Variants in CRYBG1 observed in about 807,000 individuals in gnomAD.
CRYBG1 encodes the protein beta/gamma crystallin domain-containing protein 1.
Under a neutral mutation model 189.2 loss-of-function variants are expected in CRYBG1, and 139 were observed. The observed-to-expected ratio is 0.73, with a 90% confidence interval of 0.64 to 0.85. CRYBG1 has a LOEUF of 0.85. CRYBG1 is among the 40% of genes least tolerant of loss of function. The pLI is 0.00. For synonymous variants in CRYBG1, 1,023 were observed against 1,017.1 expected, an observed-to-expected ratio of 1.01 and a Z score of -0.11; for missense variants, 2,611 against 2,675.8, an observed-to-expected ratio of 0.98 and a Z score of 0.53.
chr6:106,424,806 C>T (rs933185073), intron 1 of CRYBG1, among the ~76,000 whole-genome samples: 40 of 152,292 alleles, frequency 2.6e-4, no homozygotes, highest in African/African-American at 9.6e-4. Flanking sequence ...CACCACCAGT[C>T]CTGTCTGCCC....
At chr6:106,389,562 T>C (rs966775955) in intron 1 of CRYBG1, among the ~76,000 whole-genome samples, 2 of 149,706 alleles carry the variant, frequency 1.3e-5, no homozygotes, top group Admixed American at 6.6e-5. Context: ...AGCAAGGTGT[T>C]GATCTCATTT....
At chr6:106,380,047 C>G (rs183577422) in intron 1 of CRYBG1, among the ~76,000 whole-genome samples, 2 of 152,322 alleles carry the variant, frequency 1.3e-5, no homozygotes, top group African/African-American at 4.8e-5. Context: ...TACACCGTCT[C>G]TAGGGCATTT....
At chr6:106,509,791 G>A (rs1773207825) in intron 2 of CRYBG1, among the ~76,000 whole-genome samples, 2 of 151,974 alleles carry the variant, frequency 1.3e-5, no homozygotes, top group Admixed American at 6.6e-5. Context: ...TTTGAATTCT[G>A]ACTTTACTGC....
At chr6:106,558,774 G>T in intron 18 of CRYBG1, 149 bp downstream of exon 18, 1 of 638,204 alleles carries the variant, frequency 1.6e-6, no homozygotes, top group Non-Finnish European at 2.4e-6. Context: ...AAAAGCCTGG[G>T]CAACAAAGTG....
At chr6:106,523,904 G>A (rs1239544555) in intron 4 of CRYBG1, among the ~76,000 whole-genome samples, 1 of 152,080 alleles carries the variant, frequency 6.6e-6, no homozygotes. Context: ...GCTAATTTAT[G>A]TATTTTTAGT....
chr6:106,452,244 T>TAAAAA (rs368102917), intron 2 of CRYBG1, among the ~76,000 whole-genome samples: 72 of 108,806 alleles, frequency 6.6e-4, no homozygotes, highest in African/African-American at 2.5e-3. Context: ...CAGACTCTAC[T>TAAAAA]AAAAAAAAAA....
At chr6:106,490,392 G>A (rs1415297729) in intron 2 of CRYBG1, among the ~76,000 whole-genome samples, 1 of 152,144 alleles carries the variant, frequency 6.6e-6, no homozygotes, top group African/African-American at 2.4e-5. Flanking sequence ...TATGAAAGAG[G>A]AACTAATCGA....
rs557339246 is a variant in CRYBG1 at position 106,544,590 on chromosome 6, C to T, written c.5059C>T (p.Pro1687Ser). The T allele has an allele frequency of 2.5e-6, 4 of 1,613,732 alleles. No homozygotes were observed. The highest frequency in any genetic ancestry group is 1.1e-5 in the South Asian group (1 of 91,068). The stretch of plus-strand genomic sequence containing the variant: ...TTGCAGTTGGGTTGCATATGAGAAA[C>T]CTGGATTTACCGGTCATCAGTATTT... The part of the protein sequence containing the change: ...LRGIWVAYEK[P>S]GFTGHQYLLE... Residue 1687 changes from proline to serine, a missense_variant, in exon 12 of 22, where the codon CCT (proline) becomes TCT (serine). Physicochemically the swap from Pro to Ser is moderately conservative, Grantham distance 74 (BLOSUM62 -1). This residue lies in a region of CRYBG1 where 1,622 missense variants were observed against 1,735.0 expected (regional missense o/e 0.93). Transcript: ENST00000633556.
At chr6:106,374,773 TATAG>T (rs1045552251) in intron 1 of CRYBG1, among the ~76,000 whole-genome samples, 67 of 152,326 alleles carry the variant, frequency 4.4e-4, no homozygotes, top group African/African-American at 1.6e-3. Flanking sequence ...TGTTTGTATA[TATAG>T]ATAGACACAT....
intron 10 of CRYBG1, among the ~76,000 whole-genome samples, chr6:106,542,280 AG>A (rs1400390247): frequency 7.2e-4 from 61 of 85,234 alleles, no homozygotes; most frequent in Admixed American, 1.2e-3. Context: ...GCCATTATTT[AG>A]GGTTTTTTTT....
intron 4 of CRYBG1, among the ~76,000 whole-genome samples, chr6:106,524,256 T>C (rs1582817345): frequency 6.6e-6 from 1 of 152,154 alleles, no homozygotes; most frequent in Non-Finnish European, 1.5e-5. Flanking sequence ...TGAAATGTAT[T>C]TTGTCTATCA....
chr6:106,451,288 TC>T (rs1398482982), intron 1 of CRYBG1, among the ~76,000 whole-genome samples: 1 of 152,222 alleles, frequency 6.6e-6, no homozygotes, highest in African/African-American at 2.4e-5. Context: ...GGGATTCAGT[TC>T]CCACTTTATT....
At chr6:106,367,208 G>C (rs1212485593) in intron 1 of CRYBG1, among the ~76,000 whole-genome samples, 2 of 152,176 alleles carry the variant, frequency 1.3e-5, no homozygotes, top group Admixed American at 6.5e-5. Context: ...CCATAATCAA[G>C]TGGCAGTGAC....
intron 7 of CRYBG1, among the ~76,000 whole-genome samples, chr6:106,529,925 A>C (rs1773839938): frequency 6.6e-6 from 1 of 152,214 alleles, no homozygotes; most frequent in Admixed American, 6.5e-5. Context: ...CAAATAAAAT[A>C]CATTTCTGAT....
At chr6:106,373,119 C>G (rs1218993720) in intron 1 of CRYBG1, among the ~76,000 whole-genome samples, 1 of 152,198 alleles carries the variant, frequency 6.6e-6, no homozygotes, top group African/African-American at 2.4e-5. Flanking sequence ...GAAGCATTTC[C>G]TCCTTTTGAT....
chr6:106,460,102 T>G (rs1011096955), intron 2 of CRYBG1, among the ~76,000 whole-genome samples: 5 of 152,080 alleles, frequency 3.3e-5, no homozygotes, highest in Non-Finnish European at 5.9e-5. Context: ...TTCTCCTGCC[T>G]CAGCCTCCCG....
At chr6:106,567,820 G>A (rs377189264) in intron 21 of CRYBG1, among the ~76,000 whole-genome samples, 2 of 152,188 alleles carry the variant, frequency 1.3e-5, no homozygotes, top group South Asian at 2.1e-4. Context: ...TGGTAACAGG[G>A]AGAGAGTTCA....
At chr6:106,469,092 A>G (rs758383361) in intron 2 of CRYBG1, among the ~76,000 whole-genome samples, 11 of 152,000 alleles carry the variant, frequency 7.2e-5, no homozygotes, top group Non-Finnish European at 1.3e-4. Flanking sequence ...CCCTCTCCCC[A>G]CCACTCACCC....
At chr6:106,492,431 G>A (rs555811617) in intron 2 of CRYBG1, among the ~76,000 whole-genome samples, 31 of 151,970 alleles carry the variant, frequency 2.0e-4, no homozygotes, top group Non-Finnish European at 7.4e-5. Context: ...AATTAGATTA[G>A]TATTAGATTA....
Sources: gnomAD v4.1 joint callset for allele counts (sites outside exome capture counted in the v4.1 genomes callset) on GRCh38, gnomAD v4.1.1 for gene constraint, gnomAD v4.1.1 regional missense constraint, MANE v1.5 for transcripts, NCBI Gene and HGNC (gene_info 2026-07-23, HGNC 2026-07-21) for gene names.